NUTM2F: variants seen among roughly 807,000 people sequenced by gnomAD.
NUTM2F encodes the protein NUT family member 2F.
NUTM2F carries 22 observed loss-of-function variants against 43.3 expected under a neutral mutation model. The observed-to-expected ratio is 0.51, with a 90% CI of 0.36 to 0.73. The LOEUF (loss-of-function observed/expected upper bound fraction) is 0.73. Among genes scored for constraint, NUTM2F ranks in the 30% least tolerant of loss-of-function variants. The pLI is 0.00. For synonymous variants in NUTM2F, 202 were observed against 389.0 expected (o/e 0.52, Z 5.66); for missense variants, 488 against 927.4 (o/e 0.53, Z 6.15).
chr9:94,319,642 C>T lies in NUTM2F; in HGVS notation c.1456G>A (p.Glu486Lys), dbSNP rs772714387. 5.6e-6 allele frequency: 9 copies of T among 1,612,218 alleles called. No homozygotes were observed. In the East Asian group the frequency reaches 1.6e-4, roughly 28 times the overall value. ...MDFLALSQEL[E>K]QEEGLTLAQL... ...GCAAGGGTGAGTCCTTCCTCCTGCT[C>T]CAGCTCCTGGCTTAGGGCCAAGAAA... The change falls in exon 6 of 7, where the codon GAG (glutamate) becomes AAG (lysine). Residue 486 changes from glutamate (E) to lysine (K), a missense_variant. Physicochemically the swap from Glu to Lys is moderately conservative, Grantham distance 56. Coordinates refer to ENST00000253262, the MANE Select transcript of NUTM2F (RefSeq NM_017561.2).
At chr9:94,323,420 G>A (rs1304097365) in intron 2 of NUTM2F, among the ~76,000 whole-genome samples, 7 of 152,186 alleles carry the variant, frequency 4.6e-5, no homozygotes, top group South Asian at 2.1e-4. Flanking sequence ...GAGGTGCCGC[G>A]GGGTGGAGAG....
Position 94,321,248 on chromosome 9 carries a change from G to T in NUTM2F, c.843-16C>A, listed in dbSNP as rs1349405047. ...TTCCAGGAACCTGTGGGTGAAGGAG[G>T]CCCAGGCTGTGCTGAGAGGGTCCAG... On this transcript the variant is annotated splice_polypyrimidine_tract_variant and intron_variant, in intron 3 of 6. Coordinates refer to ENST00000253262, the MANE Select transcript of NUTM2F (RefSeq NM_017561.2). The T allele has an allele frequency of 3.2e-6, 5 of 1,573,524 alleles. No individual in the cohort carries two copies. In the African/African-American group the frequency reaches 5.4e-5, roughly 17 times the overall value.
At chr9:94,323,009 C>T (rs898097021) in intron 2 of NUTM2F, among the ~76,000 whole-genome samples, 4 of 151,980 alleles carry the variant, frequency 2.6e-5, no homozygotes, top group African/African-American at 9.6e-5. Flanking sequence ...TAACCAGCTT[C>T]CTGGGGACTC....
chr9:94,321,545 G>A (rs1259075571), intron 3 of NUTM2F, among the ~76,000 whole-genome samples: 1 of 146,746 alleles, frequency 6.8e-6, no homozygotes, highest in South Asian at 2.3e-4. Flanking sequence ...GATGGCAGAA[G>A]GCGTCAGGGA....
intron 5 of NUTM2F, among the ~76,000 whole-genome samples, chr9:94,319,975 C>T (rs1277064717): frequency 6.6e-6 from 1 of 152,114 alleles, no homozygotes; most frequent in Non-Finnish European, 1.5e-5. Context: ...AAGACAGACA[C>T]AGGTAACATA....
At chr9:94,324,328 C>T (rs1375416959) in intron 2 of NUTM2F, among the ~76,000 whole-genome samples, 1 of 151,560 alleles carries the variant, frequency 6.6e-6, no homozygotes, top group Non-Finnish European at 1.5e-5. Flanking sequence ...ACCAAGAACG[C>T]TCTCTGACCT....
Position 94,322,287 on chromosome 9 carries a change from C to T in NUTM2F, c.756G>A (p.Thr252=), listed in dbSNP as rs755878804. The change falls in exon 3 of 7, where the codon ACG becomes ACA. Residue 252 remains threonine (T), a synonymous_variant. Transcript: ENST00000253262. ...TGGCCTGCCACAGTCCCTCCTCCAG[C>T]GTCATGGTGGGCTTCCGCCGGGCCA... is the stretch of plus-strand genomic sequence containing the variant. ...RSLARRKPTM[T]LEEGLWQAMR... 17 of 1,612,024 alleles carry T rather than the reference C, an allele frequency of 1.1e-5. No homozygotes were observed. Among genetic ancestry groups the T allele is most frequent in the Non-Finnish European group, 1.4e-5 (16 of 1,179,864 alleles).
chr9:94,321,524 G>A lies in NUTM2F; in HGVS notation c.843-292C>T, dbSNP rs1260897426. 8.2e-5 allele frequency among the ~76,000 whole-genome samples: 12 copies of A among 147,106 alleles called. No individual in the cohort carries two copies. In the Admixed American group the frequency reaches 8.2e-4, roughly 10 times the overall value. ...CCCTCCTCCAGGTATCAGCTGGCCG[G>A]GGGTGGGGTTGATGGCAGAAGGCGT... On this transcript the variant is annotated intron_variant, in intron 3 of 6. Coordinates refer to ENST00000253262, the MANE Select transcript of NUTM2F (RefSeq NM_017561.2).
In NUTM2F at chr9:94,318,998, C is replaced by A; in HGVS notation, c.1738G>T (p.Gly580Ter). 1 of 1,609,816 alleles carries A rather than the reference C, an allele frequency of 6.2e-7. No individual in the cohort carries two copies. Among genetic ancestry groups the A allele is most frequent in the Non-Finnish European group, 8.5e-7 (1 of 1,178,674 alleles). ...TTCAGCCTGGGGGAATCCTGACATC[C>A]CAAAAGCACAGCAGGGTCTTCGGAC... is the stretch of plus-strand genomic sequence containing the variant. The part of the protein sequence containing the change: ...ARSEDPAVLL[G>*]CQDSPRLKAV... Residue 580 changes from glycine (G) to a stop codon, truncating the protein, a stop_gained, in exon 7 of 7, where the codon GGA becomes TGA. Transcript: ENST00000253262. LOFTEE classifies it low-confidence loss of function (END_TRUNC).
In NUTM2F at chr9:94,320,633, G is replaced by A. The variant is rs755149078; in HGVS notation, c.983-40C>T. 30 of 1,538,066 alleles carry A rather than the reference G, an allele frequency of 2.0e-5. No individual in the cohort carries two copies. The African/African-American group carries it at 2.6e-4, about 13-fold the overall frequency. ...GAGGAGGATGGGTGTGGTGAGGGCC[G>A]CTCCTCCTGCCTGCACCACACAGGG... On this transcript the variant is annotated intron_variant, in intron 4 of 6. Transcript: ENST00000253262. This position sits in a 1 kb window ranked among gnomAD's most constrained non-coding sequence, Gnocchi z 4.5.
rs1378577242 is a variant in NUTM2F, at chr9:94,322,233, A to G, written c.810T>C (p.Phe270=). 1 of 1,612,048 alleles carries G rather than the reference A, an allele frequency of 6.2e-7. No homozygotes were observed. The highest frequency in any genetic ancestry group is 1.1e-5 in the South Asian group (1 of 90,984). ...CCATCTCGTAGAAGATCATCCGGTC[A>G]AAGTTGCTCGTGTGCTGCCATTCCC... ...AMREWQHTSN[F]DRMIFYEMAE... The change falls in exon 3 of 7, where the codon TTT becomes TTC. Residue 270 remains phenylalanine (F), a synonymous_variant. Coordinates refer to ENST00000253262, the MANE Select transcript of NUTM2F (RefSeq NM_017561.2).
chr9:94,323,716 TGAAACA>T (rs1416343997), intron 2 of NUTM2F, among the ~76,000 whole-genome samples: 1 of 152,216 alleles, frequency 6.6e-6, no homozygotes, highest in Non-Finnish European at 1.5e-5. Context: ...ATCCTCTGAA[TGAAACA>T]CCATTGTCCT....
Position 94,321,163 on chromosome 9 carries a change from G to C in NUTM2F, c.912C>G (p.Ser304Arg), listed in dbSNP as rs1831360302. The stretch of plus-strand genomic sequence containing the variant: ...GCCTCGGCGGGGCTGGAGGAGGCAG[G>C]CTCTGGGGCCCCTTCATCCACTGCG... ...QKSQWMKGPQ[S>R]LPPPAPPRLE... Residue 304 changes from serine (S) to arginine (R), a missense_variant, in exon 4 of 7, where the codon AGC becomes AGG. Coordinates refer to ENST00000253262, the MANE Select transcript of NUTM2F (RefSeq NM_017561.2). 1 of 1,551,320 alleles carries C rather than the reference G, an allele frequency of 6.4e-7. No individual in the cohort carries two copies.
At position 94,324,524 on chromosome 9, in the gene NUTM2F, A is replaced by G. The variant is rs1369104115; in HGVS notation, c.713+714T>C. On this transcript the variant is annotated intron_variant, in intron 2 of 6. Coordinates refer to ENST00000253262, the MANE Select transcript of NUTM2F (RefSeq NM_017561.2). ...AAAAATACAAAAAAATTAGCCGGGC[A>G]TGGTGGTGGGCACCTGTAGTCCCAG... Among the ~76,000 whole-genome samples, 13 of 151,368 alleles carry G rather than the reference A, an allele frequency of 8.6e-5. 1 individual carries two copies. The highest frequency in any genetic ancestry group is 1.3e-4 in the Admixed American group (2 of 15,156).
chr9:94,319,627 G>C lies in NUTM2F; in HGVS notation c.1471C>G (p.Leu491Val). 1.2e-6 allele frequency: 2 copies of C among 1,612,336 alleles called. No individual in the cohort carries two copies. Among genetic ancestry groups the C allele is most frequent in the Non-Finnish European group, 1.7e-6 (2 of 1,179,836 alleles). ...CGCTGCTCTACCTGGGCAAGGGTGA[G>C]TCCTTCCTCCTGCTCCAGCTCCTGG... ...LSQELEQEEG[L>V]TLAQLVEKRL... Residue 491 changes from leucine (L) to valine (V), a missense_variant, in exon 6 of 7, where the codon CTC becomes GTC. By Grantham distance (32) the Leu-to-Val change is conservative. Coordinates refer to ENST00000253262, the MANE Select transcript of NUTM2F (RefSeq NM_017561.2).
At chr9:94,322,710 A>G (rs1158596542) in intron 2 of NUTM2F, among the ~76,000 whole-genome samples, 1 of 151,712 alleles carries the variant, frequency 6.6e-6, no homozygotes, top group Non-Finnish European at 1.5e-5. Context: ...CCGAGCTCTG[A>G]TAAGGGCAGG....
chr9:94,325,105 C>T, intron 2 of NUTM2F, 133 bp downstream of exon 2: 1 of 971,828 alleles, frequency 1.0e-6, no homozygotes, highest in Non-Finnish European at 1.5e-6. Context: ...TGAAAACGTA[C>T]CTTCCCATAG....
chr9:94,324,815 A>C (rs1831429063), intron 2 of NUTM2F, among the ~76,000 whole-genome samples: 1 of 150,584 alleles, frequency 6.6e-6, no homozygotes, highest in South Asian at 2.1e-4. Context: ...ACATGGAGAA[A>C]CCCCATCTCT....
chr9:94,324,114 CA>C (rs1403971989), intron 2 of NUTM2F, among the ~76,000 whole-genome samples: 5 of 150,832 alleles, frequency 3.3e-5, no homozygotes, highest in Admixed American at 1.3e-4. Context: ...CTAAAAAATA[CA>C]AAAAATTAGC....
Sources: allele counts gnomAD v4.1 joint callset (sites outside exome capture counted in the v4.1 genomes callset), GRCh38; gene constraint gnomAD v4.1.1; non-coding constraint Gnocchi (gnomAD v3.1); transcripts MANE v1.5; gene names NCBI Gene and HGNC (gene_info 2026-07-23, HGNC 2026-07-21).